The following SPATA16 variants were observed in gnomAD, a reference collection of about 807,000 sequenced individuals.
SPATA16 encodes spermatogenesis-associated protein 16.
A neutral mutation model predicts 63.3 loss-of-function variants in SPATA16; 36 were observed. That is an observed-to-expected ratio of 0.57 (90% CI 0.44 to 0.75). The LOEUF is 0.75. Among genes scored for constraint, SPATA16 ranks in the 30% least tolerant of loss-of-function variants. SPATA16 has a pLI of 0.00. For missense variants in SPATA16, 646 were observed against 679.3 expected, an observed-to-expected ratio of 0.95 and a Z score of 0.54; for synonymous variants, 203 against 216.7, an observed-to-expected ratio of 0.94 and a Z score of 0.56.
chr3:172,911,862 C>T (rs990509346), intron 10 of SPATA16, among the ~76,000 whole-genome samples: 1 of 152,226 alleles, frequency 6.6e-6, no homozygotes, highest in East Asian at 1.9e-4. Flanking sequence ...TAAACCAAGA[C>T]ACCAGCATAT....
intron 10 of SPATA16, among the ~76,000 whole-genome samples, chr3:172,897,669 G>A (rs78485734): frequency 0.098 from 14,927 of 151,984 alleles, 829 homozygotes; most frequent in African/African-American, 0.15. Context: ...TTTTTGGGGG[G>A]ATTTTTATGT....
chr3:173,093,019 T>C (rs914312964), intron 2 of SPATA16, among the ~76,000 whole-genome samples: 1 of 149,930 alleles, frequency 6.7e-6, no homozygotes, highest in Admixed American at 6.7e-5. Context: ...TACAGTTTTA[T>C]TGTAATTTTT....
At chr3:173,092,942 T>G (rs1362901995) in intron 2 of SPATA16, among the ~76,000 whole-genome samples, 1 of 151,990 alleles carries the variant, frequency 6.6e-6, no homozygotes, top group Non-Finnish European at 1.5e-5. Flanking sequence ...AGTAGTCCCC[T>G]CCTGTTATTC....
At chr3:173,119,101 A>C (rs1317074924) in intron 1 of SPATA16, among the ~76,000 whole-genome samples, 1 of 152,178 alleles carries the variant, frequency 6.6e-6, no homozygotes, top group African/African-American at 2.4e-5. Context: ...TGGGAATTGA[A>C]CAATGAGAAC....
intron 10 of SPATA16, among the ~76,000 whole-genome samples, chr3:172,897,913 T>G (rs2109543761): frequency 6.6e-6 from 1 of 152,166 alleles, no homozygotes; most frequent in African/African-American, 2.4e-5. Context: ...TCTTTAACAA[T>G]TTGAGGAGGT....
At chr3:172,955,396 T>G (rs770621148) in intron 6 of SPATA16, among the ~76,000 whole-genome samples, 1 of 152,220 alleles carries the variant, frequency 6.6e-6, no homozygotes, top group Non-Finnish European at 1.5e-5. Context: ...AAAAAATCCT[T>G]TAAATATCCA....
chr3:173,025,954 G>A (rs1735442211), intron 3 of SPATA16, among the ~76,000 whole-genome samples: 1 of 151,886 alleles, frequency 6.6e-6, no homozygotes, highest in Non-Finnish European at 1.5e-5. Context: ...AGAATACTGG[G>A]TCCTATTCTA....
intron 6 of SPATA16, among the ~76,000 whole-genome samples, chr3:172,948,270 C>G (rs370195651): frequency 1.3e-5 from 2 of 152,120 alleles, no homozygotes; most frequent in Admixed American, 1.3e-4. Flanking sequence ...ACCTCCGATA[C>G]GTCTGGCAGC....
chr3:173,136,764 C>T (rs756373785), intron 1 of SPATA16, among the ~76,000 whole-genome samples: 5 of 152,146 alleles, frequency 3.3e-5, no homozygotes, highest in Non-Finnish European at 5.9e-5. Context: ...AGACCAATGA[C>T]CGCAGGCTCA....
chr3:173,012,863 T>A (rs951785978), intron 4 of SPATA16, among the ~76,000 whole-genome samples: 1 of 152,140 alleles, frequency 6.6e-6, no homozygotes, highest in Admixed American at 6.5e-5. Flanking sequence ...ATTCTAGACA[T>A]TGGCCTTGGC....
At chr3:172,984,761 C>T (rs1449489066) in intron 4 of SPATA16, among the ~76,000 whole-genome samples, 1 of 152,122 alleles carries the variant, frequency 6.6e-6, no homozygotes, top group Non-Finnish European at 1.5e-5. Context: ...GGTTTACTGC[C>T]TTCCTGCTAG....
At chr3:173,130,404 C>T (rs1197886622) in intron 1 of SPATA16, among the ~76,000 whole-genome samples, 1 of 139,022 alleles carries the variant, frequency 7.2e-6, no homozygotes, top group Admixed American at 7.2e-5. Context: ...AATCCCCAAA[C>T]ATCTCATATA....
At chr3:173,131,339 C>A (rs77818564) in intron 1 of SPATA16, among the ~76,000 whole-genome samples, 1 of 152,242 alleles carries the variant, frequency 6.6e-6, no homozygotes, top group East Asian at 1.9e-4. Context: ...GAATAAAAGA[C>A]CAAATCATTT....
chr3:173,060,351 T>C (rs1736348936), intron 2 of SPATA16, among the ~76,000 whole-genome samples: 2 of 152,124 alleles, frequency 1.3e-5, no homozygotes, highest in Non-Finnish European at 2.9e-5. Context: ...AAAAATAATT[T>C]TAAAAGTCAG....
At chr3:173,135,507 A>G (rs1738521015) in intron 1 of SPATA16, among the ~76,000 whole-genome samples, 1 of 152,200 alleles carries the variant, frequency 6.6e-6, no homozygotes, top group Non-Finnish European at 1.5e-5. Context: ...CAACGTAATA[A>G]CATAATAACA....
chr3:173,118,391 A>G (rs1236896911), intron 1 of SPATA16, among the ~76,000 whole-genome samples: 1 of 152,238 alleles, frequency 6.6e-6, no homozygotes, highest in Admixed American at 6.5e-5. Flanking sequence ...AGTCTACTGT[A>G]TTAGTCTATT....
intron 7 of SPATA16, 39 bp downstream of exon 7, chr3:172,925,307 G>T: frequency 1.9e-6 from 3 of 1,612,248 alleles, no homozygotes; most frequent in Non-Finnish European, 2.5e-6. Context: ...CTCATCACAG[G>T]CTACTATATG....
intron 6 of SPATA16, among the ~76,000 whole-genome samples, chr3:172,945,328 G>A (rs1733254666): frequency 6.6e-6 from 1 of 152,094 alleles, no homozygotes; most frequent in Non-Finnish European, 1.5e-5. Flanking sequence ...AGCTAATAAG[G>A]AGGAGGCAGA....
At chr3:173,034,991 T>C (rs911334618) in intron 3 of SPATA16, among the ~76,000 whole-genome samples, 3 of 152,200 alleles carry the variant, frequency 2.0e-5, no homozygotes, top group African/African-American at 7.2e-5. Flanking sequence ...AGTCTCAACC[T>C]GTTGTGACTT....
Sources: gnomAD v4.1 joint callset for allele counts (sites outside exome capture counted in the v4.1 genomes callset) on GRCh38, gnomAD v4.1.1 for gene constraint, MANE v1.5 for transcripts, NCBI Gene and HGNC (gene_info 2026-07-23, HGNC 2026-07-21) for gene names.